The following MSRA variants were observed in gnomAD, a reference collection of about 807,000 sequenced individuals.
MSRA encodes the protein mitochondrial peptide methionine sulfoxide reductase.
A neutral mutation model predicts 31.3 loss-of-function variants in MSRA; 54 were observed. That is an observed-to-expected ratio of 1.73 (90% CI 1.39 to 2.17). The LOEUF (loss-of-function observed/expected upper bound fraction) is 2.17, where lower values mean the gene tolerates loss of function less well. MSRA is among the 30% of genes most tolerant of loss of function. MSRA has a pLI of 0.00. For missense variants in MSRA, 507 were observed against 300.9 expected, an observed-to-expected ratio of 1.69 and a Z score of -5.07; for synonymous variants, 169 against 116.5, an observed-to-expected ratio of 1.45 and a Z score of -2.90.
chr8:10,381,217 C>A (rs1368608688), intron 5 of MSRA, among the ~76,000 whole-genome samples: 1 of 152,174 alleles, frequency 6.6e-6, no homozygotes, highest in Non-Finnish European at 1.5e-5. Flanking sequence ...CTTCTTCCCA[C>A]CACCCACTCT....
At chr8:10,241,333 G>A (rs1812393714) in intron 2 of MSRA, among the ~76,000 whole-genome samples, 2 of 152,168 alleles carry the variant, frequency 1.3e-5, no homozygotes, top group Non-Finnish European at 2.9e-5. Context: ...CTGAGGAGAA[G>A]GAGCCAATTT....
chr8:10,098,865 G>C (rs953917838), intron 1 of MSRA, among the ~76,000 whole-genome samples: 2 of 152,214 alleles, frequency 1.3e-5, no homozygotes, highest in Non-Finnish European at 2.9e-5. Context: ...ATATGTCAAA[G>C]CAGGTGTAAT....
chr8:10,230,442 G>C (rs75257863), intron 2 of MSRA, among the ~76,000 whole-genome samples: 4,175 of 152,244 alleles, frequency 0.027, 194 homozygotes, highest in African/African-American at 0.096. Context: ...TTGGCTGATG[G>C]TGGGGTATGG....
intron 1 of MSRA, among the ~76,000 whole-genome samples, chr8:10,067,964 A>G (rs964805758): frequency 7.5e-6 from 1 of 133,328 alleles, no homozygotes; most frequent in African/African-American, 2.7e-5. Context: ...GCTCACCACA[A>G]CCTCTGCCTC....
At chr8:10,243,621 A>G (rs546252317) in intron 2 of MSRA, among the ~76,000 whole-genome samples, 2 of 152,238 alleles carry the variant, frequency 1.3e-5, no homozygotes, top group Middle Eastern at 3.4e-3. Context: ...TCTTAAAGTA[A>G]TAGGAATTTA....
chr8:10,110,143 C>T (rs937970777), intron 1 of MSRA, among the ~76,000 whole-genome samples: 2 of 152,126 alleles, frequency 1.3e-5, no homozygotes, highest in African/African-American at 2.4e-5. Flanking sequence ...TCCACAAGGC[C>T]CACATCTGGA....
At chr8:10,353,726 G>T (rs1563385473) in intron 5 of MSRA, 1 of 447,672 alleles carries the variant, frequency 2.2e-6, no homozygotes, top group East Asian at 7.1e-5. Flanking sequence ...ACTGCCACCT[G>T]TCTACGTCCT....
At chr8:10,204,717 A>C (rs28660563) in intron 1 of MSRA, among the ~76,000 whole-genome samples, 8 of 152,156 alleles carry the variant, frequency 5.3e-5, no homozygotes, top group African/African-American at 1.9e-4. Context: ...GCATAACTGT[A>C]TATATGTATT....
chr8:10,149,410 C>T (rs949758677), intron 1 of MSRA, among the ~76,000 whole-genome samples: 2 of 152,216 alleles, frequency 1.3e-5, no homozygotes, highest in South Asian at 2.1e-4. Flanking sequence ...AGGCGTGAGC[C>T]ACCGCGCCCG....
At chr8:10,342,080 A>G (rs1803461946) in intron 5 of MSRA, among the ~76,000 whole-genome samples, 1 of 152,186 alleles carries the variant, frequency 6.6e-6, no homozygotes, top group African/African-American at 2.4e-5. Context: ...AGCTGGGTTC[A>G]AAGAGTTAAA....
intron 3 of MSRA, among the ~76,000 whole-genome samples, chr8:10,296,895 C>T (rs1800573646): frequency 6.6e-6 from 1 of 152,202 alleles, no homozygotes; most frequent in Non-Finnish European, 1.5e-5. Flanking sequence ...GGCATCTCAC[C>T]ACAGCTCACC....
intron 5 of MSRA, among the ~76,000 whole-genome samples, chr8:10,328,748 A>G (rs1311028414): frequency 6.6e-6 from 1 of 152,238 alleles, no homozygotes; most frequent in Non-Finnish European, 1.5e-5. Flanking sequence ...CTTAAAGTTC[A>G]GAACCTTTGA....
intron 3 of MSRA, among the ~76,000 whole-genome samples, chr8:10,280,513 A>G (rs571924274): frequency 3.9e-5 from 6 of 152,340 alleles, no homozygotes; most frequent in African/African-American, 1.2e-4. Context: ...AGTGATGTCT[A>G]ATAGTCTTAA....
At chr8:10,313,289 A>T (rs77287727) in intron 4 of MSRA, among the ~76,000 whole-genome samples, 78 of 152,320 alleles carry the variant, frequency 5.1e-4, no homozygotes, top group African/African-American at 1.8e-3. Context: ...AAGGTGGTGA[A>T]GCTTCTGTCA....
chr8:10,291,296 CCAA>C (rs201053884), intron 3 of MSRA, among the ~76,000 whole-genome samples: 2,047 of 152,160 alleles, frequency 0.013, 45 homozygotes, highest in African/African-American at 0.046. Context: ...CCATGGCGGG[CCAA>C]CAACAACAAA....
At chr8:10,205,043 T>A (rs1220546923) in intron 1 of MSRA, among the ~76,000 whole-genome samples, 1 of 152,232 alleles carries the variant, frequency 6.6e-6, no homozygotes, top group East Asian at 1.9e-4. Context: ...GATGCTAGTG[T>A]TCTGACCATG....
intron 1 of MSRA, among the ~76,000 whole-genome samples, chr8:10,146,784 G>T (rs1303266223): frequency 5.3e-5 from 8 of 152,170 alleles, no homozygotes; most frequent in African/African-American, 1.7e-4. Flanking sequence ...CTCCTTAGGA[G>T]CCCTGGGCTG....
At chr8:10,167,427 G>C (rs965260934) in intron 1 of MSRA, among the ~76,000 whole-genome samples, 1 of 152,222 alleles carries the variant, frequency 6.6e-6, no homozygotes, top group Non-Finnish European at 1.5e-5. Context: ...CAAGGCTTCA[G>C]ATGTGTTTGG....
chr8:10,226,695 GTA>G (rs754927984), intron 2 of MSRA, among the ~76,000 whole-genome samples: 1 of 151,966 alleles, frequency 6.6e-6, no homozygotes, highest in African/African-American at 2.4e-5. Flanking sequence ...GCATATATGA[GTA>G]TATATATATG....
Sources: allele counts gnomAD v4.1 joint callset (sites outside exome capture counted in the v4.1 genomes callset), GRCh38; gene constraint gnomAD v4.1.1; transcripts MANE v1.5; gene names NCBI Gene and HGNC (gene_info 2026-07-23, HGNC 2026-07-21).